PXDN: variants seen among roughly 807,000 people sequenced by gnomAD.
PXDN encodes peroxidasin homolog.
PXDN carries 77 observed loss-of-function variants against 140.3 expected under a neutral mutation model. That is an observed-to-expected ratio of 0.55 (90% CI 0.46 to 0.66). The LOEUF (loss-of-function observed/expected upper bound fraction) is 0.66, where lower values mean the gene tolerates loss of function less well. Among genes scored for constraint, PXDN ranks in the 30% least tolerant of loss-of-function variants. The pLI is 0.00. For missense variants in PXDN, 1,838 were observed against 2,039.5 expected, an observed-to-expected ratio of 0.90 and a Z score of 1.90; for synonymous variants, 911 against 857.4, an observed-to-expected ratio of 1.06 and a Z score of -1.09.
intron 14 of PXDN, among the ~76,000 whole-genome samples, chr2:1,654,931 A>C (rs1297769430): frequency 1.3e-5 from 2 of 151,972 alleles, no homozygotes; most frequent in Admixed American, 1.3e-4. Context: ...CCGGGATCCT[A>C]ACCCACTCCC....
rs777191390 is a variant in PXDN at position 1,643,520 on chromosome 2, T to C, written c.3800A>G (p.Gln1267Arg). The stretch of plus-strand genomic sequence containing the variant: ...GCATAGGATCCTGGCCAGCGACGTC[T>C]GCTTGATCTGAGTCAGCTGGGCCGG... ...FSPAQLTQIK[Q>R]TSLARILCDN... The change falls in exon 19 of 23, where the codon CAG becomes CGG. Residue 1267 changes from glutamine (Q) to arginine (R), a missense_variant. This residue lies in a region of PXDN where 850 missense variants were observed against 894.1 expected (regional missense o/e 0.95). Coordinates refer to ENST00000252804, the MANE Select transcript of PXDN (RefSeq NM_012293.3). 22 of 1,613,842 alleles carry C rather than the reference T, an allele frequency of 1.4e-5. No individual in the cohort carries two copies. The highest frequency in any genetic ancestry group is 4.0e-5 in the African/African-American group (3 of 74,910).
At chr2:1,721,612 G>A (rs1286293486) in intron 1 of PXDN, among the ~76,000 whole-genome samples, 1 of 152,170 alleles carries the variant, frequency 6.6e-6, no homozygotes, top group East Asian at 1.9e-4. Flanking sequence ...CGAGGCGGGC[G>A]GATCACGAGG....
chr2:1,678,147 C>T (rs1683776295), intron 7 of PXDN, among the ~76,000 whole-genome samples: 1 of 152,142 alleles, frequency 6.6e-6, no homozygotes, highest in African/African-American at 2.4e-5. Context: ...CTCCTCTTCT[C>T]TCTCCTCTGC....
intron 17 of PXDN, among the ~76,000 whole-genome samples, chr2:1,645,008 A>T (rs1682818890): frequency 6.6e-6 from 1 of 152,184 alleles, no homozygotes; most frequent in Non-Finnish European, 1.5e-5. Context: ...AGCCAAGAAA[A>T]GATAAGGAAG....
chr2:1,671,842 C>G lies in PXDN; in HGVS notation c.1018+1801G>C, dbSNP rs1330408398. Among the ~76,000 whole-genome samples the G allele has an allele frequency of 3.9e-5, 6 of 152,310 alleles. No homozygotes were observed. In the East Asian group the frequency reaches 1.2e-3, roughly 29 times the overall value. On this transcript the variant is annotated intron_variant, in intron 9 of 22. Coordinates refer to ENST00000252804, the MANE Select transcript of PXDN (RefSeq NM_012293.3). ...GGCCACACAGGTTTTGTTGCTACTACTCAACTCTGCCATGGTAGCATACAA... is the reference window on the plus strand; with the variant it reads ...GGCCACACAGGTTTTGTTGCTACTAGTCAACTCTGCCATGGTAGCATACAA...
At position 1,651,718 on chromosome 2, in the gene PXDN, C is replaced by T. The variant is rs1034450803; in HGVS notation, c.2104+1910G>A. 6.6e-6 allele frequency among the ~76,000 whole-genome samples: 1 copy of T among 152,338 alleles called. No individual in the cohort carries two copies. The highest frequency in any genetic ancestry group is 2.4e-5 in the African/African-American group (1 of 41,586). ...CCTTGTGGGGTCCCTGCTCACGTGT[C>T]ACCTTCGCCCATGGGGAACAGCACC... On this transcript the variant is annotated intron_variant, in intron 16 of 22. Coordinates refer to ENST00000252804, the MANE Select transcript of PXDN (RefSeq NM_012293.3). This position sits in a 1 kb window ranked among gnomAD's most constrained non-coding sequence, Gnocchi z 4.4.
At chr2:1,721,684 G>A (rs1437352575) in intron 1 of PXDN, among the ~76,000 whole-genome samples, 7 of 152,148 alleles carry the variant, frequency 4.6e-5, no homozygotes, top group Non-Finnish European at 8.8e-5. Flanking sequence ...AAAATTAGCC[G>A]GGCTTGGTGG....
chr2:1,684,236 T>TAGGAAAAAATCTAGTGAGA, intron 4 of PXDN, 85 bp from the exon 5 acceptor site: 1 of 1,132,428 alleles, frequency 8.8e-7, no homozygotes, highest in Non-Finnish European at 1.3e-6. Flanking sequence ...TTCCTAGTCA[T>TAGGAAAAAATCTAGTGAGA]TTCAAATTCA....
At chr2:1,709,264 C>A (rs75689376) in intron 1 of PXDN, among the ~76,000 whole-genome samples, 1 of 152,164 alleles carries the variant, frequency 6.6e-6, no homozygotes, top group Non-Finnish European at 1.5e-5. Context: ...CAGGTGACCA[C>A]GGCGCTCGCT....
intron 9 of PXDN, among the ~76,000 whole-genome samples, chr2:1,669,505 T>C (rs974248987): frequency 3.3e-5 from 5 of 152,174 alleles, no homozygotes; most frequent in African/African-American, 7.2e-5. Flanking sequence ...ACTTAATCCA[T>C]AGATATTTTT....
chr2:1,683,172 A>C (rs1683955090), intron 6 of PXDN, among the ~76,000 whole-genome samples: 1 of 151,784 alleles, frequency 6.6e-6, no homozygotes, highest in Admixed American at 6.6e-5. Flanking sequence ...GCTTGAGCTT[A>C]GGAAATCAAG....
chr2:1,744,529 C>T, upstream of PXDN: 18 of 1,249,636 alleles, frequency 1.4e-5, no homozygotes, highest in Non-Finnish European at 1.6e-5. Context: ...CGCCCGGCCG[C>T]GGCCCACGTC....
Position 1,651,969 on chromosome 2 carries a change from A to AT in PXDN, c.2104+1658dup, listed in dbSNP as rs1032281200. ...GTGCCCTGACAGGCAGGTGGAACGAATAAGTGAAGAAATGAGTGCCTGCAT... is the reference window on the plus strand; with the variant it reads ...GTGCCCTGACAGGCAGGTGGAACGAATTAAGTGAAGAAATGAGTGCCTGCAT... On this transcript the variant is annotated intron_variant, in intron 16 of 22. Coordinates refer to ENST00000252804, the MANE Select transcript of PXDN (RefSeq NM_012293.3). This position sits in a 1 kb window ranked among gnomAD's most constrained non-coding sequence, Gnocchi z 4.4. Among the ~76,000 whole-genome samples the AT allele has an allele frequency of 1.3e-5, 2 of 152,358 alleles. No individual in the cohort carries two copies. The highest frequency in any genetic ancestry group is 4.8e-5 in the African/African-American group (2 of 41,580).
Position 1,737,073 on chromosome 2 carries a change from G to A in PXDN, c.200+7183C>T, listed in dbSNP as rs114668070. ...CGTAAACACCCTGCCCTGGTGCTCC[G>A]GGCTGCTCAGACGTGCAGGGCATCT... On this transcript the variant is annotated intron_variant, in intron 1 of 22. Coordinates refer to ENST00000252804, the MANE Select transcript of PXDN (RefSeq NM_012293.3). Among the ~76,000 whole-genome samples, 496 of 152,282 alleles carry A rather than the reference G, an allele frequency of 3.3e-3. 3 individuals are homozygous for A. The highest frequency in any genetic ancestry group is 0.011 in the African/African-American group (459 of 41,564).
chr2:1,653,243 A>C lies in PXDN; in HGVS notation c.2104+385T>G, dbSNP rs1326890156. ...AAACAACCCTCCTAATACGCGTGGC[A>C]CCGCATTCCCAGGACACAACGTCAC... On this transcript the variant is annotated intron_variant, in intron 16 of 22. Coordinates refer to ENST00000252804, the MANE Select transcript of PXDN (RefSeq NM_012293.3). 3 of 339,784 alleles carry C rather than the reference A, an allele frequency of 8.8e-6. No individual in the cohort carries two copies. The East Asian group carries it at 2.2e-4, about 25-fold the overall frequency. The allele number at this position is 339,784 out of a possible 1,614,324, so 21.0% of individuals were successfully genotyped here. A position where few individuals can be genotyped will look rare whatever the true frequency, so the allele number is the denominator to read the frequency against.
rs376896640 is a variant in PXDN, at chr2:1,648,274, G to A, written c.3506C>T (p.Pro1169Leu). 5 of 1,613,950 alleles carry A rather than the reference G, an allele frequency of 3.1e-6. No homozygotes were observed. Among genetic ancestry groups the A allele is most frequent in the Non-Finnish European group, 4.2e-6 (5 of 1,179,886 alleles). ...GCAGTAGACCCTGTAGTCGTGGTAG[G>A]GTGGGATCCCGTGGTCCCGGCCCCG... ...IQRGRDHGIP[P>L]YHDYRVYCNL... Residue 1169 changes from proline (P) to leucine (L), a missense_variant, in exon 17 of 23, where the codon CCC (proline) becomes CTC (leucine). Pro to Leu is a moderately conservative substitution (Grantham distance 98). This residue lies in a region of PXDN where 850 missense variants were observed against 894.1 expected (regional missense o/e 0.95). Coordinates refer to ENST00000252804, the MANE Select transcript of PXDN (RefSeq NM_012293.3). The surrounding 1 kb of genome is among the most constrained non-coding windows in gnomAD (Gnocchi z 8.9).
At chr2:1,736,471 C>T (rs1484675403) in intron 1 of PXDN, among the ~76,000 whole-genome samples, 1 of 152,086 alleles carries the variant, frequency 6.6e-6, no homozygotes, top group Admixed American at 6.5e-5. Flanking sequence ...AGTTTGTAGT[C>T]TTACATGGGT....
At position 1,632,363 on chromosome 2, in the gene PXDN, C is replaced by T. The variant is rs1682431910; in HGVS notation, c.*1841G>A. 1 of 152,242 alleles carries T rather than the reference C, an allele frequency of 6.6e-6. No individual in the cohort carries two copies. The highest frequency in any genetic ancestry group is 2.1e-4 in the South Asian group (1 of 4,824). 9.4% of individuals were successfully genotyped at this position (152,242 alleles called of 1,614,324 possible). On this transcript the variant is annotated 3_prime_UTR_variant, in exon 23 of 23. Coordinates refer to ENST00000252804, the MANE Select transcript of PXDN (RefSeq NM_012293.3). The surrounding 1 kb of genome is among the most constrained non-coding windows in gnomAD (Gnocchi z 4.3). ...GTCATCTGAGTGCCTGAGCAACTTA[C>T]ATAACCATCAGCTTTTAGACGAACT...
At chr2:1,735,030 T>C (rs1685398850) in intron 1 of PXDN, among the ~76,000 whole-genome samples, 1 of 152,222 alleles carries the variant, frequency 6.6e-6, no homozygotes, top group Admixed American at 6.5e-5. Context: ...AGAATTCATC[T>C]CAAGAAGCCA....
Sources: allele counts gnomAD v4.1 joint callset (sites outside exome capture counted in the v4.1 genomes callset), GRCh38; gene constraint gnomAD v4.1.1; regional missense constraint gnomAD v4.1.1; non-coding constraint Gnocchi (gnomAD v3.1); transcripts MANE v1.5; gene names NCBI Gene and HGNC (gene_info 2026-07-23, HGNC 2026-07-21).